The following SLC4A8 variants were observed in gnomAD, a reference collection of about 807,000 sequenced individuals.
SLC4A8 encodes the protein solute carrier family 4 member 8, also known as electroneutral sodium bicarbonate exchanger 1.
SLC4A8 carries 40 observed loss-of-function variants against 125.0 expected under a neutral mutation model. The ratio of observed to expected loss-of-function variants is 0.32; its 90% CI spans 0.25 to 0.42. The LOEUF is 0.42. SLC4A8 is among the 10% of genes least tolerant of loss of function. The pLI, the probability that SLC4A8 is intolerant of heterozygous loss-of-function variation, is 1.00. For missense variants in SLC4A8, 863 were observed against 1,355.1 expected (o/e 0.64, Z 5.70); for synonymous variants, 456 against 476.0 (o/e 0.96, Z 0.55).
intron 22 of SLC4A8, among the ~76,000 whole-genome samples, chr12:51,503,139 G>GC (rs1447056741): frequency 6.6e-6 from 1 of 151,664 alleles, no homozygotes; most frequent in African/African-American, 2.4e-5. Context: ...ACCGCACCCA[G>GC]CCAGCCTGAC....
At chr12:51,439,492 C>G (rs975191849) in intron 1 of SLC4A8, among the ~76,000 whole-genome samples, 4 of 151,722 alleles carry the variant, frequency 2.6e-5, no homozygotes, top group Non-Finnish European at 5.9e-5. Context: ...TCAAAGAGAT[C>G]ATCATCTCTT....
chr12:51,453,927 C>T (rs906692041), intron 5 of SLC4A8, among the ~76,000 whole-genome samples: 1 of 152,150 alleles, frequency 6.6e-6, no homozygotes, highest in African/African-American at 2.4e-5. Context: ...TGTTAAGTTT[C>T]CATTTGTCTG....
chr12:51,418,047 C>T (rs1362190554), intron 1 of SLC4A8, among the ~76,000 whole-genome samples: 5 of 152,194 alleles, frequency 3.3e-5, no homozygotes, highest in Non-Finnish European at 5.9e-5. Context: ...AGACAGTAAT[C>T]CTATCCTGAT....
At chr12:51,478,003 G>A (rs1255140669) in intron 16 of SLC4A8, among the ~76,000 whole-genome samples, 1 of 152,028 alleles carries the variant, frequency 6.6e-6, no homozygotes, top group Non-Finnish European at 1.5e-5. Flanking sequence ...TGGGCCGGGC[G>A]CAGTGGCTCA....
At chr12:51,490,951 G>A (rs1951299035) in intron 19 of SLC4A8, among the ~76,000 whole-genome samples, 1 of 152,146 alleles carries the variant, frequency 6.6e-6, no homozygotes, top group African/African-American at 2.4e-5. Context: ...TAAGGAAGCT[G>A]GTAGCAGGGA....
upstream of SLC4A8, among the ~76,000 whole-genome samples, chr12:51,422,373 AT>A (rs1159956269): frequency 6.6e-6 from 1 of 152,002 alleles, no homozygotes; most frequent in African/African-American, 2.4e-5. Context: ...TATTTTATTT[AT>A]TTTTTATTTT....
At chr12:51,423,603 G>A (rs1948844186), upstream of SLC4A8, among the ~76,000 whole-genome samples, 1 of 152,146 alleles carries the variant, frequency 6.6e-6, no homozygotes, top group African/African-American at 2.4e-5. Flanking sequence ...GGTAAGCAGG[G>A]GTGGAAAGTT....
At chr12:51,429,261 G>A (rs557625410) in intron 1 of SLC4A8, among the ~76,000 whole-genome samples, 1 of 152,332 alleles carries the variant, frequency 6.6e-6, no homozygotes, top group Admixed American at 6.5e-5. Flanking sequence ...GGCCCTGCCA[G>A]ACCCAGGGCT....
In SLC4A8 at chr12:51,453,675, G is replaced by A. The variant is rs137980302; in HGVS notation, c.550G>A (p.Ala184Thr). ...INGTVLLDMHANSIEEISDLI... is the reference protein window; with the variant it reads ...INGTVLLDMHTNSIEEISDLI... ...TGGAACAGTCCTCCTGGATATGCAT[G>A]CAAATAGCATAGAAGAAATTTCAGG... is the stretch of plus-strand genomic sequence containing the variant. The change falls in exon 5 of 25, where the codon GCA becomes ACA. Residue 184 changes from alanine to threonine, a missense_variant. This residue lies in a region of SLC4A8 where 390 missense variants were observed against 634.4 expected (regional missense o/e 0.61). Coordinates refer to ENST00000453097, the MANE Select transcript of SLC4A8 (RefSeq NM_001039960.3). The A allele has an allele frequency of 1.9e-6, 3 of 1,613,886 alleles. No homozygotes were observed. The highest frequency in any genetic ancestry group is 2.5e-6 in the Non-Finnish European group (3 of 1,179,940).
chr12:51,489,499 A>G (rs1951249619), intron 18 of SLC4A8, among the ~76,000 whole-genome samples: 2 of 152,206 alleles, frequency 1.3e-5, no homozygotes, highest in Non-Finnish European at 2.9e-5. Context: ...ATTGGCATAT[A>G]TAGGACAGGC....
chr12:51,459,995 C>G lies in SLC4A8; in HGVS notation c.900C>G (p.Ala300=). 1.2e-6 allele frequency: 2 copies of G among 1,613,688 alleles called. No individual in the cohort carries two copies. The highest frequency in any genetic ancestry group is 1.7e-6 in the Non-Finnish European group (2 of 1,179,624). Residue 300 remains alanine, a synonymous_variant, in exon 8 of 25, where the codon GCC becomes GCG. Transcript: ENST00000453097. ...FMKKIPTGAE[A]SNVLVGEVDI... is the part of the protein sequence containing the mutation. Reference sequence around the variant, plus strand: ...AAAAAATTCCTACTGGGGCCGAGGCCTCCAATGTCCTGGTTGGAGAGGTGG... The same window carrying G: ...AAAAAATTCCTACTGGGGCCGAGGCGTCCAATGTCCTGGTTGGAGAGGTGG...
At chr12:51,466,286 G>A (rs1950512558) in intron 11 of SLC4A8, 1 of 152,150 alleles carries the variant, frequency 6.6e-6, no homozygotes, top group Admixed American at 6.5e-5. Flanking sequence ...AGGGTGCTCT[G>A]GAAAGGGGTT....
At chr12:51,496,367 G>A (rs1290476700) in intron 21 of SLC4A8, among the ~76,000 whole-genome samples, 1 of 152,212 alleles carries the variant, frequency 6.6e-6, no homozygotes, top group Non-Finnish European at 1.5e-5. Flanking sequence ...AAGTGGAGCA[G>A]CAGTTGAGAT....
upstream of SLC4A8, among the ~76,000 whole-genome samples, chr12:51,422,884 C>A (rs927546033): frequency 6.6e-6 from 1 of 152,152 alleles, no homozygotes; most frequent in African/African-American, 2.4e-5. Context: ...TCCTGAAGAT[C>A]ATTTTCTCTT....
chr12:51,490,475 A>ATGGC (rs1341426386), intron 19 of SLC4A8, among the ~76,000 whole-genome samples: 1 of 150,696 alleles, frequency 6.6e-6, no homozygotes, highest in Non-Finnish European at 1.5e-5. Context: ...AGGCGGGAGA[A>ATGGC]TGGCGTGAAC....
At chr12:51,495,770 C>T (rs1376276976) in intron 21 of SLC4A8, among the ~76,000 whole-genome samples, 2 of 152,098 alleles carry the variant, frequency 1.3e-5, no homozygotes, top group African/African-American at 4.8e-5. Flanking sequence ...ACATGAGCCA[C>T]TGCGCCCAGC....
At chr12:51,494,710 A>AAG in intron 20 of SLC4A8, 1 of 413,278 alleles carries the variant, frequency 2.4e-6, no homozygotes, top group Non-Finnish European at 4.3e-6. Flanking sequence ...AGTGTGGGAT[A>AAG]AGAGAAAGAA....
At chr12:51,480,443 A>T (rs1592255022) in intron 16 of SLC4A8, 1 of 1,105,138 alleles carries the variant, frequency 9.0e-7, no homozygotes. Flanking sequence ...GGATTGGGTC[A>T]ACTGATTATC....
At chr12:51,459,860 CTCTGTCTCA>C in intron 7 of SLC4A8, 82 bp from the exon 8 acceptor site, 1 of 1,145,228 alleles carries the variant, frequency 8.7e-7, no homozygotes. Flanking sequence ...TGTAGTGAGA[CTCTGTCTCA>C]AAAAAAAGTA....
Sources: allele counts gnomAD v4.1 joint callset (sites outside exome capture counted in the v4.1 genomes callset), GRCh38; gene constraint gnomAD v4.1.1; regional missense constraint gnomAD v4.1.1; transcripts MANE v1.5; gene names NCBI Gene and HGNC (gene_info 2026-07-23, HGNC 2026-07-21).